The following AGO3 variants were observed in gnomAD, a reference collection of about 807,000 sequenced individuals.
AGO3 encodes protein argonaute-3.
In AGO3, 16 loss-of-function variants were observed where a neutral mutation model predicts 105.5. The observed-to-expected ratio is 0.15, with a 90% CI of 0.10 to 0.23. The LOEUF (loss-of-function observed/expected upper bound fraction) is 0.23, where lower values mean the gene tolerates loss of function less well. Among genes scored for constraint, AGO3 ranks in the 10% least tolerant of loss-of-function variants. The pLI, the probability that AGO3 is intolerant of heterozygous loss-of-function variation, is 1.00. For synonymous variants in AGO3, 340 were observed against 367.3 expected, an observed-to-expected ratio of 0.93 and a Z score of 0.85; for missense variants, 534 against 1,088.0, an observed-to-expected ratio of 0.49 and a Z score of 7.16.
intron 5 of AGO3, chr1:35,984,552 A>T (rs1647126365): frequency 6.6e-6 from 1 of 152,440 alleles, no homozygotes; most frequent in South Asian, 2.1e-4. Context: ...AGTCTGAGTT[A>T]GGTATTTCTC....
chr1:36,038,371 T>C (rs1187399520), intron 14 of AGO3, among the ~76,000 whole-genome samples: 1 of 147,304 alleles, frequency 6.8e-6, no homozygotes, highest in Non-Finnish European at 1.5e-5. Context: ...TCCTCCTGCC[T>C]CAGCCTCCTG....
intron 5 of AGO3, among the ~76,000 whole-genome samples, chr1:35,981,771 T>C (rs1647057198): frequency 6.6e-6 from 1 of 152,194 alleles, no homozygotes; most frequent in African/African-American, 2.4e-5. Flanking sequence ...CTTACCTCCT[T>C]CTGAGAATCC....
At chr1:36,041,781 T>C (rs1402240881) in intron 16 of AGO3, among the ~76,000 whole-genome samples, 1 of 152,200 alleles carries the variant, frequency 6.6e-6, no homozygotes, top group Non-Finnish European at 1.5e-5. Flanking sequence ...TGTCTGTTTA[T>C]TTCTTAGCAA....
chr1:36,033,807 C>T (rs1291359570), intron 12 of AGO3, among the ~76,000 whole-genome samples: 1 of 151,996 alleles, frequency 6.6e-6, no homozygotes, highest in East Asian at 1.9e-4. Flanking sequence ...ACTGTGATTA[C>T]AAGTACATTA....
chr1:36,002,094 A>G (rs1461272231), intron 5 of AGO3, among the ~76,000 whole-genome samples: 2 of 152,176 alleles, frequency 1.3e-5, no homozygotes, highest in Admixed American at 6.5e-5. Flanking sequence ...ATCTCAGCTC[A>G]CTGCAACCTT....
At chr1:35,982,868 G>T (rs1253777489) in intron 5 of AGO3, 2 of 451,432 alleles carry the variant, frequency 4.4e-6, no homozygotes, top group Non-Finnish European at 7.9e-6. Context: ...CTAGATTTTT[G>T]AAAGAATTGT....
At chr1:35,971,172 TA>T (rs921699949) in intron 3 of AGO3, among the ~76,000 whole-genome samples, 41 of 140,610 alleles carry the variant, frequency 2.9e-4, no homozygotes, top group South Asian at 1.1e-3. Context: ...TTTATTTATT[TA>T]TTTTTTTTTT....
intron 17 of AGO3, among the ~76,000 whole-genome samples, chr1:36,050,756 C>T (rs1219201939): frequency 6.7e-6 from 1 of 148,308 alleles, no homozygotes; most frequent in African/African-American, 2.5e-5. Flanking sequence ...CACCATTGCA[C>T]ACTCCAGCCT....
intron 2 of AGO3, among the ~76,000 whole-genome samples, chr1:35,948,656 A>T (rs982517805): frequency 1.2e-4 from 18 of 152,174 alleles, no homozygotes; most frequent in African/African-American, 4.3e-4. Flanking sequence ...GTGTATATAA[A>T]GTTGTGTAGC....
chr1:35,998,346 A>C (rs1266505722), intron 5 of AGO3, among the ~76,000 whole-genome samples: 1 of 152,188 alleles, frequency 6.6e-6, no homozygotes, highest in Non-Finnish European at 1.5e-5. Flanking sequence ...CTTACAAATA[A>C]TGCTACAATA....
At chr1:36,001,067 C>T (rs2148805544) in intron 5 of AGO3, among the ~76,000 whole-genome samples, 1 of 152,106 alleles carries the variant, frequency 6.6e-6, no homozygotes, top group East Asian at 1.9e-4. Flanking sequence ...GAAACCCCGT[C>T]TCCACTAAAA....
rs114146164 is a variant in AGO3 at position 36,003,189 on chromosome 1, C to G, written c.659-1152C>G. ...AAATGACATGATAACATGCAACTTA[C>G]TGTCTTATGGTTTTACTTTTTGTTG... On this transcript the variant is annotated intron_variant, in intron 5 of 18. Coordinates refer to ENST00000373191, the MANE Select transcript of AGO3 (RefSeq NM_024852.4). Among the ~76,000 whole-genome samples the G allele has an allele frequency of 4.4e-3, 667 of 150,600 alleles. 9 individuals are homozygous for G. Among genetic ancestry groups the G allele is most frequent in the African/African-American group, 0.015 (627 of 40,832 alleles).
At chr1:35,956,630 T>C (rs1424381551) in intron 2 of AGO3, among the ~76,000 whole-genome samples, 1 of 151,268 alleles carries the variant, frequency 6.6e-6, no homozygotes. Flanking sequence ...CATGATTTTC[T>C]TTTTTTGTTT....
chr1:35,950,470 G>T (rs1485060263), intron 2 of AGO3, among the ~76,000 whole-genome samples: 2 of 152,114 alleles, frequency 1.3e-5, no homozygotes, highest in Non-Finnish European at 2.9e-5. Flanking sequence ...CATTTTGTGG[G>T]TCAACCTTTC....
chr1:36,051,079 T>G (rs1307892841), intron 17 of AGO3, among the ~76,000 whole-genome samples: 1 of 152,170 alleles, frequency 6.6e-6, no homozygotes, highest in Non-Finnish European at 1.5e-5. Context: ...CCTCCCAAAG[T>G]GCTGGGATTA....
Position 36,013,354 on chromosome 1 carries a change from C to A in AGO3, c.1150-276C>A, listed in dbSNP as rs944712465. Reference sequence around the variant, plus strand: ...CCTCCCAAAATGCTGAGATCACAGGCATGAACTACCATGCCAGGCCAAAAT... The same window carrying A: ...CCTCCCAAAATGCTGAGATCACAGGAATGAACTACCATGCCAGGCCAAAAT... On this transcript the variant is annotated intron_variant, in intron 9 of 18. Coordinates refer to ENST00000373191, the MANE Select transcript of AGO3 (RefSeq NM_024852.4). The A allele has an allele frequency of 1.9e-5, 5 of 258,192 alleles. No individual in the cohort carries two copies. In the East Asian group the frequency reaches 3.5e-4, roughly 18 times the overall value. 16.0% of individuals were successfully genotyped at this position (258,192 alleles called of 1,614,324 possible).
chr1:36,026,837 A>G (rs1277110835), intron 11 of AGO3, among the ~76,000 whole-genome samples: 2 of 152,246 alleles, frequency 1.3e-5, no homozygotes, highest in African/African-American at 4.8e-5. Flanking sequence ...GGAACTCTCC[A>G]TACTAACTCT....
At chr1:35,985,957 TAATC>T (rs1327778793) in intron 5 of AGO3, among the ~76,000 whole-genome samples, 6 of 152,234 alleles carry the variant, frequency 3.9e-5, no homozygotes, top group African/African-American at 1.2e-4. Flanking sequence ...CATTCATTAA[TAATC>T]AAGAACTTGC....
chr1:36,003,709 A>AAAAAAAAATATATATAT (rs1295618675), intron 5 of AGO3, among the ~76,000 whole-genome samples: 2 of 99,434 alleles, frequency 2.0e-5, no homozygotes, highest in Non-Finnish European at 3.9e-5. Context: ...AAAAAAAAAA[A>AAAAAAAAATATATATAT]ATATATATAT....
Sources: allele counts gnomAD v4.1 joint callset (sites outside exome capture counted in the v4.1 genomes callset), GRCh38; gene constraint gnomAD v4.1.1; transcripts MANE v1.5; gene names NCBI Gene and HGNC (gene_info 2026-07-23, HGNC 2026-07-21).